The following AGBL1 variants were observed in gnomAD, a reference collection of about 807,000 sequenced individuals.
AGBL1 encodes the protein cytosolic carboxypeptidase 4.
A neutral mutation model predicts 118.9 loss-of-function variants in AGBL1; 130 were observed. That is an observed-to-expected ratio of 1.09 (90% confidence interval 0.95 to 1.26). The LOEUF is 1.26. Among genes scored for constraint, AGBL1 ranks in the 50% most tolerant of loss-of-function variants. The probability of loss-of-function intolerance (pLI) is 0.00; values close to 1 mark genes in which losing one functional copy is unlikely to be tolerated. For synonymous variants in AGBL1, 555 were observed against 478.9 expected, an observed-to-expected ratio of 1.16 and a Z score of -2.08; for missense variants, 1,584 against 1,298.1, an observed-to-expected ratio of 1.22 and a Z score of -3.38.
At chr15:86,916,568 T>C (rs145028425), downstream of AGBL1, among the ~76,000 whole-genome samples, 255 of 152,336 alleles carry the variant, frequency 1.7e-3, no homozygotes, top group African/African-American at 5.7e-3. Flanking sequence ...TTCCGTAGCA[T>C]ATGGAATAGA....
chr15:86,211,589 T>C (rs575086111), intron 5 of AGBL1, among the ~76,000 whole-genome samples: 1 of 152,304 alleles, frequency 6.6e-6, no homozygotes, highest in East Asian at 1.9e-4. Flanking sequence ...CACAGGTCGA[T>C]CTCAGACTGC....
At chr15:86,708,631 CT>C (rs1433453798) in intron 22 of AGBL1, among the ~76,000 whole-genome samples, 3 of 152,098 alleles carry the variant, frequency 2.0e-5, no homozygotes, top group African/African-American at 7.2e-5. Flanking sequence ...TGCAAAAGCC[CT>C]GTGTTAATGA....
At chr15:86,579,215 G>A (rs2084140109) in intron 21 of AGBL1, among the ~76,000 whole-genome samples, 2 of 152,152 alleles carry the variant, frequency 1.3e-5, no homozygotes, top group African/African-American at 4.8e-5. Context: ...GCATTACGTT[G>A]CAAATTTTGT....
chr15:86,327,026 C>G (rs183279045), intron 17 of AGBL1, among the ~76,000 whole-genome samples: 4 of 150,422 alleles, frequency 2.7e-5, no homozygotes, highest in African/African-American at 7.3e-5. Context: ...AAAGGAGGAA[C>G]AGTCATTAAA....
Position 86,142,058 on chromosome 15 carries a change from C to T in AGBL1, c.106C>T (p.Leu36Phe). ...CATCCTCAAGGTCCTCGGAGATCTG[C>T]TTTCTGTTGGTGAGTAGGCCATGCT... The part of the protein sequence containing the change: ...LTILKVLGDL[L>F]SVGTDRRIHY... The change falls in exon 2 of 23, where the codon CTT (leucine) becomes TTT (phenylalanine). Residue 36 changes from leucine (L) to phenylalanine (F), a missense_variant. By Grantham distance (22) the Leu-to-Phe change is conservative (BLOSUM62 0). Transcript: ENST00000614907. The T allele has an allele frequency of 6.5e-7, 1 of 1,550,184 alleles. No individual in the cohort carries two copies. Among genetic ancestry groups the T allele is most frequent in the South Asian group, 1.2e-5 (1 of 83,948 alleles).
At chr15:86,996,791 C>T (rs1454775832) in intron 24 of AGBL1, among the ~76,000 whole-genome samples, 1 of 152,110 alleles carries the variant, frequency 6.6e-6, no homozygotes, top group East Asian at 1.9e-4. Context: ...AATTCAATAG[C>T]AACGCTATTG....
At chr15:86,384,352 G>A (rs1013985457) in intron 17 of AGBL1, among the ~76,000 whole-genome samples, 1 of 152,152 alleles carries the variant, frequency 6.6e-6, no homozygotes, top group African/African-American at 2.4e-5. Context: ...CTGCACCACA[G>A]TTGCAAACAT....
chr15:86,476,010 C>T (rs1044168549), intron 18 of AGBL1, among the ~76,000 whole-genome samples: 1 of 152,144 alleles, frequency 6.6e-6, no homozygotes, highest in African/African-American at 2.4e-5. Flanking sequence ...AAATAAAATC[C>T]TTTACAGACA....
rs182273566 is a variant in AGBL1 at position 87,027,840 on chromosome 15, C to T, written c.3324-985C>T. ...AAGTGGGAGCTGAACTTTGAGAACACATGGACACATCAAGGGGAACAACAC... is the reference window on the plus strand; with the variant it reads ...AAGTGGGAGCTGAACTTTGAGAACATATGGACACATCAAGGGGAACAACAC... On this transcript the variant is annotated intron_variant, in intron 24 of 24. Transcript: ENST00000441037. Among the ~76,000 whole-genome samples, 384 of 152,026 alleles carry T rather than the reference C, an allele frequency of 2.5e-3. 1 individual carries two copies. Among genetic ancestry groups the T allele is most frequent in the African/African-American group, 8.8e-3 (366 of 41,514 alleles).
At chr15:86,565,845 C>T (rs1029214375) in intron 21 of AGBL1, among the ~76,000 whole-genome samples, 1 of 152,226 alleles carries the variant, frequency 6.6e-6, no homozygotes, top group African/African-American at 2.4e-5. Context: ...TGCCCCTCCC[C>T]CAGCCTCGCT....
chr15:86,559,666 CA>C lies in AGBL1; in HGVS notation c.2994+5133del, dbSNP rs1408457415. Among the ~76,000 whole-genome samples the C allele has an allele frequency of 2.0e-5, 3 of 152,242 alleles. No individual in the cohort carries two copies. In the East Asian group the frequency reaches 5.8e-4, roughly 29 times the overall value. On this transcript the variant is annotated intron_variant, in intron 21 of 22. Coordinates refer to ENST00000614907, the MANE Select transcript of AGBL1 (RefSeq NM_001386094.1). ...TCTGCTATTGTACAACAAAGCACTA[CA>C]AAATCAGTTTCATTATTATTCTCAT...
intron 22 of AGBL1, among the ~76,000 whole-genome samples, chr15:86,722,685 C>G (rs188353995): frequency 5.3e-5 from 8 of 152,274 alleles, no homozygotes; most frequent in African/African-American, 1.9e-4. Context: ...AGAGCTTCTG[C>G]ACAACAAAAG....
chr15:86,227,581 G>A (rs1471389087), intron 6 of AGBL1, among the ~76,000 whole-genome samples: 1 of 152,228 alleles, frequency 6.6e-6, no homozygotes, highest in Admixed American at 6.5e-5. Flanking sequence ...TCCCCCATGG[G>A]GGGTGGACAG....
At chr15:86,793,246 C>T (rs1254629847) in intron 22 of AGBL1, among the ~76,000 whole-genome samples, 1 of 152,170 alleles carries the variant, frequency 6.6e-6, no homozygotes, top group Admixed American at 6.5e-5. Flanking sequence ...AATGGATTAA[C>T]TTGACCAAAA....
chr15:86,469,939 T>C (rs2082458016), intron 18 of AGBL1, among the ~76,000 whole-genome samples: 1 of 152,160 alleles, frequency 6.6e-6, no homozygotes. Flanking sequence ...TGTTTCTTGC[T>C]ATTGGTTTGA....
intron 5 of AGBL1, among the ~76,000 whole-genome samples, chr15:86,216,445 C>A (rs573427907): frequency 6.6e-6 from 1 of 152,192 alleles, no homozygotes; most frequent in African/African-American, 2.4e-5. Context: ...TTGATTCCAT[C>A]TTATTGAATA....
At chr15:86,871,917 T>C (rs1296657025) in intron 22 of AGBL1, among the ~76,000 whole-genome samples, 2 of 152,226 alleles carry the variant, frequency 1.3e-5, no homozygotes, top group Non-Finnish European at 2.9e-5. Flanking sequence ...CACATTTAGC[T>C]TTAAAATACA....
At chr15:86,959,646 G>C (rs2080971665) in intron 23 of AGBL1, among the ~76,000 whole-genome samples, 1 of 151,960 alleles carries the variant, frequency 6.6e-6, no homozygotes. Context: ...AATCTACTCT[G>C]TTTTTCTTTC....
chr15:86,724,585 A>C (rs1385131055), intron 22 of AGBL1, among the ~76,000 whole-genome samples: 7 of 152,130 alleles, frequency 4.6e-5, no homozygotes, highest in African/African-American at 1.7e-4. Context: ...ACAATGAGGA[A>C]CAGGGAGGAT....
Sources: gnomAD v4.1 joint callset for allele counts (sites outside exome capture counted in the v4.1 genomes callset) on GRCh38, gnomAD v4.1.1 for gene constraint, MANE v1.5 for transcripts, NCBI Gene and HGNC (gene_info 2026-07-23, HGNC 2026-07-21) for gene names.